The following SERINC5 variants were observed in gnomAD, a reference collection of about 807,000 sequenced individuals.
The protein encoded by SERINC5 is chromosome 5 open reading frame 12.
Under a neutral mutation model 63.1 loss-of-function variants are expected in SERINC5, and 41 were observed. That is an observed-to-expected ratio of 0.65 (90% CI 0.51 to 0.84). The LOEUF is 0.84. SERINC5 is among the 40% of genes least tolerant of loss of function. SERINC5 has a pLI of 0.00. For missense variants in SERINC5, 523 were observed against 573.0 expected (o/e 0.91, Z 0.89); for synonymous variants, 222 against 215.2 (o/e 1.03, Z -0.28).
At chr5:80,154,028 C>A (rs1460473810) in intron 8 of SERINC5, among the ~76,000 whole-genome samples, 7 of 152,168 alleles carry the variant, frequency 4.6e-5, no homozygotes, top group Non-Finnish European at 8.8e-5. Flanking sequence ...CCCTGACAAA[C>A]GTACAGGGTA....
chr5:80,137,636 C>G (rs893530473), downstream of SERINC5, among the ~76,000 whole-genome samples: 2 of 70,506 alleles, frequency 2.8e-5, no homozygotes, highest in Non-Finnish European at 7.2e-5. Context: ...AAGCAAGACT[C>G]TAACTCAAAA....
chr5:80,249,480 C>A (rs1752308532), intron 1 of SERINC5, among the ~76,000 whole-genome samples: 1 of 152,004 alleles, frequency 6.6e-6, no homozygotes, highest in East Asian at 1.9e-4. Flanking sequence ...TACAGCACTT[C>A]CAACAAAATC....
intron 1 of SERINC5, among the ~76,000 whole-genome samples, chr5:80,217,881 G>A (rs1446172597): frequency 6.6e-6 from 1 of 152,096 alleles, no homozygotes. Flanking sequence ...GAAAGGTTAG[G>A]TGATTTGGCT....
At chr5:80,160,853 CAA>C (rs1034059539) in intron 7 of SERINC5, among the ~76,000 whole-genome samples, 7 of 151,878 alleles carry the variant, frequency 4.6e-5, no homozygotes, top group East Asian at 3.9e-4. Context: ...CATGTTGCTA[CAA>C]AAGACAGGAT....
In SERINC5 at chr5:80,163,078, C is replaced by G. The variant is rs540626553; in HGVS notation, c.859+3305G>C. Among the ~76,000 whole-genome samples the G allele has an allele frequency of 3.3e-5, 5 of 151,822 alleles. No individual in the cohort carries two copies. In the South Asian group the frequency reaches 1.0e-3, roughly 32 times the overall value. ...CCATGTTGGCCAAGCTGGTCTCAAG[C>G]TCCCGACCTCAAATGATCCACCCAC... is the stretch of plus-strand genomic sequence containing the variant. On this transcript the variant is annotated intron_variant, in intron 7 of 11. Coordinates refer to ENST00000507668, the MANE Select transcript of SERINC5 (RefSeq NM_001174072.3).
At chr5:80,155,495 C>A (rs568161735) in intron 8 of SERINC5, among the ~76,000 whole-genome samples, 1 of 148,090 alleles carries the variant, frequency 6.8e-6, no homozygotes, top group Non-Finnish European at 1.5e-5. Flanking sequence ...ATCGCTTGAA[C>A]CTGGGAGGCG....
intron 11 of SERINC5, among the ~76,000 whole-genome samples, chr5:80,130,364 A>G (rs1377612264): frequency 6.6e-6 from 1 of 151,354 alleles, no homozygotes; most frequent in African/African-American, 2.4e-5. Flanking sequence ...TGGGCAACAA[A>G]GCGAGATTCC....
At chr5:80,118,806 A>T (rs1187414853) in intron 11 of SERINC5, among the ~76,000 whole-genome samples, 1 of 140,824 alleles carries the variant, frequency 7.1e-6, no homozygotes, top group Non-Finnish European at 1.5e-5. Flanking sequence ...CAAGCAATCC[A>T]CCCACCTCGG....
At chr5:80,209,154 C>T (rs917582158) in intron 1 of SERINC5, among the ~76,000 whole-genome samples, 4 of 152,160 alleles carry the variant, frequency 2.6e-5, no homozygotes, top group Non-Finnish European at 5.9e-5. Flanking sequence ...GCCTGCAGTC[C>T]CAGCTTCTGA....
intron 7 of SERINC5, among the ~76,000 whole-genome samples, chr5:80,162,937 C>T (rs1008317683): frequency 2.6e-5 from 4 of 151,668 alleles, no homozygotes; most frequent in Non-Finnish European, 1.5e-5. Flanking sequence ...CAAGATCCCT[C>T]CCCCTCCCAG....
chr5:80,165,012 A>G (rs1159907191), intron 7 of SERINC5, among the ~76,000 whole-genome samples: 1 of 136,182 alleles, frequency 7.3e-6, no homozygotes, highest in Non-Finnish European at 1.5e-5. Context: ...CAAGGTGCTT[A>G]GATTACAGGC....
intron 7 of SERINC5, among the ~76,000 whole-genome samples, chr5:80,163,276 A>C (rs1027529523): frequency 6.6e-6 from 1 of 152,166 alleles, no homozygotes; most frequent in Non-Finnish European, 1.5e-5. Flanking sequence ...TCACATCATC[A>C]ACAAACACGA....
intron 7 of SERINC5, among the ~76,000 whole-genome samples, chr5:80,165,744 A>G (rs1003608049): frequency 6.6e-6 from 1 of 152,174 alleles, no homozygotes; most frequent in Non-Finnish European, 1.5e-5. Context: ...TTCCACTGCT[A>G]TAGTCAGAAA....
intron 11 of SERINC5, 72 bp from the exon 12 acceptor site, chr5:80,143,882 A>T (rs963511264): frequency 6.7e-7 from 1 of 1,487,536 alleles, no homozygotes; most frequent in African/African-American, 1.4e-5. Context: ...ATTCACATCC[A>T]TTTATAATGT....
intron 12 of SERINC5, among the ~76,000 whole-genome samples, chr5:80,112,712 C>T (rs374966120): frequency 5.3e-5 from 8 of 152,038 alleles, no homozygotes; most frequent in South Asian, 4.2e-4. Context: ...TTTGGGAGGC[C>T]GAGGTAGGAG....
chr5:80,167,078 C>A (rs1747345873), intron 6 of SERINC5: 1 of 152,248 alleles, frequency 6.6e-6, no homozygotes, highest in Non-Finnish European at 1.5e-5. Flanking sequence ...TTTATTTATT[C>A]ATTTATTTTT....
At chr5:80,239,845 T>C (rs1751872876) in intron 1 of SERINC5, among the ~76,000 whole-genome samples, 1 of 152,086 alleles carries the variant, frequency 6.6e-6, no homozygotes, top group Non-Finnish European at 1.5e-5. Flanking sequence ...TGGAGTTGTT[T>C]GTTTATTATG....
At chr5:80,132,973 G>A (rs1485663438) in intron 11 of SERINC5, among the ~76,000 whole-genome samples, 1 of 152,170 alleles carries the variant, frequency 6.6e-6, no homozygotes, top group Non-Finnish European at 1.5e-5. Flanking sequence ...ATCTCATGTT[G>A]AAATGTAATC....
Position 80,141,219 on chromosome 5 carries a change from T to C in SERINC5, c.*2444A>G, listed in dbSNP as rs1745484860. The stretch of plus-strand genomic sequence containing the variant: ...AGCTGAGAATAAAATTCAGAGCAAC[T>C]GTAACTCTTCCTCTTGCATCAGACC... On this transcript the variant is annotated 3_prime_UTR_variant, in exon 12 of 12. Transcript: ENST00000507668. 4 of 985,344 alleles carry C rather than the reference T, an allele frequency of 4.1e-6. No individual in the cohort carries two copies. The highest frequency in any genetic ancestry group is 4.7e-5 in the South Asian group (1 of 21,292). 61.0% of individuals were successfully genotyped at this position (985,344 alleles called of 1,614,324 possible).
Sources: gnomAD v4.1 joint callset for allele counts (sites outside exome capture counted in the v4.1 genomes callset) on GRCh38, gnomAD v4.1.1 for gene constraint, MANE v1.5 for transcripts, NCBI Gene and HGNC (gene_info 2026-07-23, HGNC 2026-07-21) for gene names.